The following PXN variants were observed in gnomAD, a reference collection of about 807,000 sequenced individuals.
PXN encodes paxillin.
In PXN, 61 loss-of-function variants were observed where a neutral mutation model predicts 103.6. The observed-to-expected ratio is 0.59, with a 90% confidence interval of 0.48 to 0.73. The LOEUF is 0.73. Ranked by LOEUF, PXN falls within the 30% of genes least tolerant of loss-of-function variation. The pLI is 0.00. For synonymous variants in PXN, 562 were observed against 607.8 expected (o/e 0.92, Z 1.11); for missense variants, 1,274 against 1,460.3 (o/e 0.87, Z 2.08).
At chr12:120,226,193 G>A (rs1317315642) in intron 1 of PXN, 2 of 1,228,160 alleles carry the variant, frequency 1.6e-6, no homozygotes, top group Non-Finnish European at 2.1e-6. Flanking sequence ...TTTCCTCTGG[G>A]CCCAATCAGC....
chr12:120,264,450 A>C (rs1043030432), intron 1 of PXN: 1 of 152,284 alleles, frequency 6.6e-6, no homozygotes, highest in Non-Finnish European at 1.5e-5. Context: ...ACAGGCGTGA[A>C]GGGGAGGGAG....
chr12:120,257,967 C>T (rs574727803), intron 1 of PXN, among the ~76,000 whole-genome samples: 164 of 152,184 alleles, frequency 1.1e-3, no homozygotes, highest in African/African-American at 3.8e-3. Context: ...CCAAGGCGGG[C>T]GGATCACCTG....
intron 1 of PXN, among the ~76,000 whole-genome samples, chr12:120,246,726 G>A (rs932045523): frequency 4.0e-5 from 6 of 149,392 alleles, no homozygotes; most frequent in Admixed American, 6.7e-5. Context: ...ATGGTGGTGC[G>A]TGCCTGTAGT....
chr12:120,243,873 C>T (rs1435629657), intron 1 of PXN, among the ~76,000 whole-genome samples: 1 of 152,196 alleles, frequency 6.6e-6, no homozygotes, highest in African/African-American at 2.4e-5. Context: ...CCATGTCTCA[C>T]AGCCTAGGAA....
Position 120,212,859 on chromosome 12 carries a change from A to C in PXN, c.2980-279T>G. ...GCCTCCCACAGGGCTGGGATTATTT[A>C]GTTCTCCCAACAGGGGAGGCAACTG... On this transcript the variant is annotated intron_variant, in intron 14 of 14. Transcript: ENST00000637617. The surrounding 1 kb of genome is among the most constrained non-coding windows in gnomAD (Gnocchi z 7.2). The C allele has an allele frequency of 3.0e-6, 1 of 335,318 alleles. No homozygotes were observed. Among genetic ancestry groups the C allele is most frequent in the Non-Finnish European group, 5.5e-6 (1 of 183,358 alleles). 20.8% of individuals were successfully genotyped at this position (335,318 alleles called of 1,614,324 possible).
At chr12:120,251,923 A>C (rs1038577080) in intron 1 of PXN, among the ~76,000 whole-genome samples, 1 of 152,218 alleles carries the variant, frequency 6.6e-6, no homozygotes, top group Non-Finnish European at 1.5e-5. Context: ...AACGATAACC[A>C]TCACCAGTTA....
intron 3 of PXN, among the ~76,000 whole-genome samples, chr12:120,223,413 G>A (rs1048322358): frequency 6.6e-6 from 1 of 151,282 alleles, no homozygotes; most frequent in Non-Finnish European, 1.5e-5. Flanking sequence ...CAGCCTGGGC[G>A]ACAGAGTGAC....
rs762588808 is a variant in PXN at position 120,213,833 on chromosome 12, G to A, written c.2979+9C>T. 3.7e-6 allele frequency: 6 copies of A among 1,607,996 alleles called. No homozygotes were observed. The highest frequency in any genetic ancestry group is 5.1e-6 in the Non-Finnish European group (6 of 1,177,338). Reference sequence around the variant, plus strand: ...CTCGCCCCTCCAGATGTGGTCAGGGGCTCCTTACCCGGCACACAAAGCACT... The same window carrying A: ...CTCGCCCCTCCAGATGTGGTCAGGGACTCCTTACCCGGCACACAAAGCACT... On this transcript the variant is annotated intron_variant, in intron 14 of 14. Transcript: ENST00000637617. This position sits in a 1 kb window ranked among gnomAD's most constrained non-coding sequence, Gnocchi z 4.2.
In PXN at chr12:120,265,576, C is replaced by A; in HGVS notation, c.13+41G>T. 1 of 1,479,138 alleles carries A rather than the reference C, an allele frequency of 6.8e-7. No individual in the cohort carries two copies. 91.6% of individuals were successfully genotyped at this position (1,479,138 alleles called of 1,614,324 possible). A position where few individuals can be genotyped will look rare whatever the true frequency, so the allele number is the denominator to read the frequency against. On this transcript the variant is annotated intron_variant, in intron 1 of 14. Transcript: ENST00000637617. The surrounding 1 kb of genome is among the most constrained non-coding windows in gnomAD (Gnocchi z 5.7). ...GGCGCCCTCCTGGCCCCAAGCTGCG[C>A]GCCTCTCGCCTCCTCCTCCCTCGGC...
At position 120,221,255 on chromosome 12, in the gene PXN, C is replaced by A. The variant is rs1885064548; in HGVS notation, c.831+368G>T. Among the ~76,000 whole-genome samples, 9 of 152,138 alleles carry A rather than the reference C, an allele frequency of 5.9e-5. No individual in the cohort carries two copies. Among genetic ancestry groups the A allele is most frequent in the Admixed American group, 5.9e-4 (9 of 15,276 alleles). ...CACAGGCTCCCAAGTCCCACATGGC[C>A]CAGCAGAGAATGCCCTCCCCCACCC... On this transcript the variant is annotated intron_variant, in intron 6 of 14. Transcript: ENST00000637617. The surrounding 1 kb of genome is among the most constrained non-coding windows in gnomAD (Gnocchi z 6.6).
At chr12:120,264,850 C>T (rs1420229455) in intron 1 of PXN, among the ~76,000 whole-genome samples, 1 of 151,694 alleles carries the variant, frequency 6.6e-6, no homozygotes, top group African/African-American at 2.4e-5. Flanking sequence ...ACTTAGATAC[C>T]ATGGTAGACG....
intron 1 of PXN, among the ~76,000 whole-genome samples, chr12:120,252,998 CAAAA>C (rs1254384939): frequency 1.0e-4 from 5 of 49,808 alleles, no homozygotes; most frequent in African/African-American, 2.8e-4. Flanking sequence ...GACTCTGTCT[CAAAA>C]AAAAAAAAAA....
Position 120,224,188 on chromosome 12 carries a change from T to G in PXN, c.203A>C (p.Gln68Pro). 1 of 1,605,346 alleles carries G rather than the reference T, an allele frequency of 6.2e-7. No homozygotes were observed. The highest frequency in any genetic ancestry group is 8.5e-7 in the Non-Finnish European group (1 of 1,175,746). Reference sequence around the variant, plus strand: ...GAATCGGGAGCTGCTGGGCTGCCACTGGTCTAAGGGGTCAAGGATTGTGCC... The same window carrying G: ...GAATCGGGAGCTGCTGGGCTGCCACGGGTCTAAGGGGTCAAGGATTGTGCC... ...LNGTILDPLD[Q>P]WQPSSSRFIH... Residue 68 changes from glutamine (Q) to proline (P), a missense_variant, in exon 2 of 15, where the codon CAG becomes CCG. Physicochemically the swap from Gln to Pro is moderately conservative, Grantham distance 76. Coordinates refer to ENST00000637617, the MANE Select transcript of PXN (RefSeq NM_001385981.1). This position sits in a 1 kb window ranked among gnomAD's most constrained non-coding sequence, Gnocchi z 5.0.
In PXN at chr12:120,214,685, C is replaced by G. The variant is rs1033623639; in HGVS notation, c.2748+140G>C. ...CTGTGGTTCAGGTGTGGCTGTGAATCCGGCCCCACTGTTCCCTAGCCCTGT... is the reference window on the plus strand; with the variant it reads ...CTGTGGTTCAGGTGTGGCTGTGAATGCGGCCCCACTGTTCCCTAGCCCTGT... On this transcript the variant is annotated intron_variant, in intron 12 of 14. Transcript: ENST00000637617. The surrounding 1 kb of genome is among the most constrained non-coding windows in gnomAD (Gnocchi z 5.0). The G allele has an allele frequency of 9.0e-7, 1 of 1,115,800 alleles. No homozygotes were observed. The highest frequency in any genetic ancestry group is 1.6e-5 in the African/African-American group (1 of 64,400). The allele number at this position is 1,115,800 out of a possible 1,614,324, so 69.1% of individuals were successfully genotyped here.
chr12:120,212,733 T>C lies in PXN; in HGVS notation c.2980-153A>G. ...GCCGTGTTGTCCTAAACGCTCATTT[T>C]TCATTTTTATTTTATTAAATAAATT... is the stretch of plus-strand genomic sequence containing the variant. On this transcript the variant is annotated intron_variant, in intron 14 of 14. Transcript: ENST00000637617. The surrounding 1 kb of genome is among the most constrained non-coding windows in gnomAD (Gnocchi z 7.2). The C allele has an allele frequency of 3.8e-6, 3 of 786,100 alleles. No homozygotes were observed. Among genetic ancestry groups the C allele is most frequent in the South Asian group, 2.5e-5 (1 of 40,130 alleles). 48.7% of individuals were successfully genotyped at this position (786,100 alleles called of 1,614,324 possible). A position where few individuals can be genotyped will look rare whatever the true frequency, so the allele number is the denominator to read the frequency against.
chr12:120,221,519 C>T lies in PXN; in HGVS notation c.831+104G>A. 7.4e-7 allele frequency: 1 copy of T among 1,344,294 alleles called. No homozygotes were observed. Among genetic ancestry groups the T allele is most frequent in the Non-Finnish European group, 1.0e-6 (1 of 991,388 alleles). 83.3% of individuals were successfully genotyped at this position (1,344,294 alleles called of 1,614,324 possible). On this transcript the variant is annotated intron_variant, in intron 6 of 14. Transcript: ENST00000637617. This position sits in a 1 kb window ranked among gnomAD's most constrained non-coding sequence, Gnocchi z 6.6. ...TGTCCCTGGCTCAGGGGCAAGGCACCCAAACACTGAGATGCCAAGATCCAG... is the reference window on the plus strand; with the variant it reads ...TGTCCCTGGCTCAGGGGCAAGGCACTCAAACACTGAGATGCCAAGATCCAG...
chr12:120,221,624 T>C lies in PXN; in HGVS notation c.830A>G (p.Lys277Arg), dbSNP rs776171785. 2.6e-6 allele frequency: 4 copies of C among 1,561,276 alleles called. No individual in the cohort carries two copies. The African/African-American group carries it at 5.4e-5, about 21-fold the overall frequency. The part of the protein sequence containing the change: ...DELMASLSDF[K>R]TSSSTVALSA... ...GAAGATGGAGGGTTCACAGGGCACC[T>C]TGAAATCCGACAGCGAAGCCATCAG... Residue 277 changes from lysine to arginine, a missense_variant and splice_region_variant, in exon 6 of 15, where the codon AAG becomes AGG. This residue lies in a region of PXN where 1,178 missense variants were observed against 1,309.0 expected (regional missense o/e 0.90). Coordinates refer to ENST00000637617, the MANE Select transcript of PXN (RefSeq NM_001385981.1). The surrounding 1 kb of genome is among the most constrained non-coding windows in gnomAD (Gnocchi z 6.6).
At chr12:120,254,637 G>T (rs546554603) in intron 1 of PXN, among the ~76,000 whole-genome samples, 8 of 149,140 alleles carry the variant, frequency 5.4e-5, no homozygotes, top group Non-Finnish European at 1.0e-4. Flanking sequence ...TGCAACCTCC[G>T]CCTCCCAGGT....
At chr12:120,246,527 A>AG (rs1213097226) in intron 1 of PXN, among the ~76,000 whole-genome samples, 3 of 147,592 alleles carry the variant, frequency 2.0e-5, no homozygotes, top group African/African-American at 7.6e-5. Context: ...AAAAAAAAAA[A>AG]AAAAAAGAAA....
Sources: allele counts gnomAD v4.1 joint callset (sites outside exome capture counted in the v4.1 genomes callset), GRCh38; gene constraint gnomAD v4.1.1; regional missense constraint gnomAD v4.1.1; non-coding constraint Gnocchi (gnomAD v3.1); transcripts MANE v1.5; gene names NCBI Gene and HGNC (gene_info 2026-07-23, HGNC 2026-07-21).